The following LZTR1 variants were observed in gnomAD, a reference collection of about 807,000 sequenced individuals.
LZTR1 encodes leucine zipper like post translational regulator 1.
In LZTR1, 260 loss-of-function variants were observed where a neutral mutation model predicts 105.7. The observed-to-expected ratio is 2.46, with a 90% CI of 2.22 to 2.72. The LOEUF (loss-of-function observed/expected upper bound fraction) is 2.72. Among genes scored for constraint, LZTR1 ranks in the 30% most tolerant of loss-of-function variants. The pLI, the probability that LZTR1 is intolerant of heterozygous loss-of-function variation, is 0.00. For missense variants in LZTR1, 1,214 were observed against 1,166.9 expected (o/e 1.04, Z -0.59); for synonymous variants, 490 against 476.4 (o/e 1.03, Z -0.37).
At position 20,987,552 on chromosome 22, in the gene LZTR1, C is replaced by A. The variant is rs773126123; in HGVS notation, c.369C>A (p.Ala123=). ...CGGCCCCCCGTTACCACCACTCGGC[C>A]GTCGTCTATGGGAGCAGCATGTTTG... is the stretch of plus-strand genomic sequence containing the variant. ...TPPAPRYHHS[A]VVYGSSMFVF... The change falls in exon 4 of 21, where the codon GCC becomes GCA. Residue 123 remains alanine (A), a synonymous_variant. Coordinates refer to ENST00000646124, the MANE Select transcript of LZTR1 (RefSeq NM_006767.4). 1 of 1,614,090 alleles carries A rather than the reference C, an allele frequency of 6.2e-7. No individual in the cohort carries two copies. Among genetic ancestry groups the A allele is most frequent in the Non-Finnish European group, 8.5e-7 (1 of 1,179,992 alleles).
rs1349481511 is a variant in LZTR1, at chr22:20,997,648, G to A, written c.*300G>A. ...AGTGATGGGCTCACCACCCAGAAGT[G>A]GGGAGAGACTTTGGGCCTCCCACCC... is the stretch of plus-strand genomic sequence containing the variant. On this transcript the variant is annotated 3_prime_UTR_variant, in exon 21 of 21. Coordinates refer to ENST00000646124, the MANE Select transcript of LZTR1 (RefSeq NM_006767.4). 3 of 274,244 alleles carry A rather than the reference G, an allele frequency of 1.1e-5. No homozygotes were observed. In the Admixed American group the frequency reaches 1.4e-4, roughly 13 times the overall value. The allele number at this position is 274,244 out of a possible 1,614,324, so 17.0% of individuals were successfully genotyped here.
At chr22:20,997,154 G>A (rs972233845) in intron 20 of LZTR1, 78 bp from the exon 21 acceptor site, 9 of 1,156,160 alleles carry the variant, frequency 7.8e-6, no homozygotes, top group South Asian at 1.2e-5. Context: ...AGCAGGGTAG[G>A]CCCCACAGGG....
At position 20,988,801 on chromosome 22, in the gene LZTR1, T is replaced by C. The variant is rs745514794; in HGVS notation, c.522T>C (p.Ala174=). 6.2e-7 allele frequency: 1 copy of C among 1,614,024 alleles called. No homozygotes were observed. The highest frequency in any genetic ancestry group is 1.7e-5 in the Admixed American group (1 of 60,026). ...CCTCACACTCCAGGTTGCCAGTCGCTAGGTCAGCCCATGGGGCCACGGTGT... is the reference window on the plus strand; with the variant it reads ...CCTCACACTCCAGGTTGCCAGTCGCCAGGTCAGCCCATGGGGCCACGGTGT... ...EWKIEGRLPV[A]RSAHGATVYS... The change falls in exon 6 of 21, where the codon GCT becomes GCC. Residue 174 remains alanine (A), a synonymous_variant. Transcript: ENST00000646124.
At position 20,995,009 on chromosome 22, in the gene LZTR1, A is replaced by T; in HGVS notation, c.1925A>T (p.Asp642Val). The T allele has an allele frequency of 1.2e-6, 2 of 1,611,710 alleles. No individual in the cohort carries two copies. The highest frequency in any genetic ancestry group is 1.7e-6 in the Non-Finnish European group (2 of 1,179,496). Residue 642 changes from aspartate to valine, a missense_variant, in exon 16 of 21, where the codon GAC becomes GTC. Physicochemically the swap from Asp to Val is radical, Grantham distance 152. Transcript: ENST00000646124. ...CAGCCGCCCCCTCGCACTCCCTTGG[A>T]CCAGCCAGTGGACATTGGTAGGGAG... Reference protein sequence around the residue: ...KQQPPPRTPLDQPVDIGTSLI... With the variant: ...KQQPPPRTPLVQPVDIGTSLI...
Position 20,983,033 on chromosome 22 carries a change from C to CAA in LZTR1, c.208_209dup (p.His71SerfsTer31). On this transcript the variant is annotated frameshift_variant, in exon 2 of 21. Transcript: ENST00000646124. LOFTEE classifies it high-confidence loss of function. ...TCCACTCCTTTCTTTCCAGGCGCAG[C>CAA]AAGCACACAGTGGTGGCCTATAAAG... 1 of 1,614,064 alleles carries CAA rather than the reference C, an allele frequency of 6.2e-7. No individual in the cohort carries two copies. Among genetic ancestry groups the CAA allele is most frequent in the Non-Finnish European group, 8.5e-7 (1 of 1,179,918 alleles).
At chr22:20,983,340 T>C (rs1924268711) in intron 2 of LZTR1, among the ~76,000 whole-genome samples, 1 of 152,220 alleles carries the variant, frequency 6.6e-6, no homozygotes, top group Admixed American at 6.5e-5. Flanking sequence ...AATGTCCCTC[T>C]TCTGAGTAGA....
Position 20,992,887 on chromosome 22 carries a change from G to T in LZTR1, c.1243G>T (p.Glu415Ter), listed in dbSNP as rs1436064204. ...GTVDNNIRSG[E>*]MYRFQFSCYP... ...GGTGGACAACAACATCCGCAGCGGG[G>T]AGATGTACAGGTTCCAGGTGTGGGG... The change falls in exon 11 of 21, where the codon GAG becomes TAG. Residue 415 changes from glutamate (E) to a stop codon, truncating the protein, a stop_gained. Transcript: ENST00000646124. LOFTEE classifies it high-confidence loss of function. 7 of 1,604,198 alleles carry T rather than the reference G, an allele frequency of 4.4e-6. No homozygotes were observed. The highest frequency in any genetic ancestry group is 3.4e-5 in the Admixed American group (2 of 59,096).
intron 3 of LZTR1, 199 bp from the exon 4 acceptor site, chr22:20,987,305 A>G (rs551617773): frequency 1.8e-6 from 1 of 543,264 alleles, no homozygotes; most frequent in East Asian, 3.0e-5. Context: ...GAGGCAGGAC[A>G]ATCGCTTGAA....
intron 11 of LZTR1, 30 bp downstream of exon 11, chr22:20,992,934 C>A: frequency 1.4e-6 from 2 of 1,449,040 alleles, no homozygotes; most frequent in Non-Finnish European, 1.9e-6. Context: ...GTAGAGCCGG[C>A]TGGGTGGACG....
rs1255885312 is a variant in LZTR1, at chr22:20,999,014, A to G, written c.*1666A>G. 6.6e-6 allele frequency: 1 copy of G among 152,218 alleles called. No homozygotes were observed. The highest frequency in any genetic ancestry group is 1.5e-5 in the Non-Finnish European group (1 of 68,040). 9.4% of individuals were successfully genotyped at this position (152,218 alleles called of 1,614,324 possible). A position where few individuals can be genotyped will look rare whatever the true frequency, so the allele number is the denominator to read the frequency against. On this transcript the variant is annotated 3_prime_UTR_variant, in exon 21 of 21. Coordinates refer to ENST00000646124, the MANE Select transcript of LZTR1 (RefSeq NM_006767.4). Reference sequence around the variant, plus strand: ...ATATGAATAAATGAAATTACATGCCAAGGGCCCTAAAAAGCAAATTTTACG... The same window carrying G: ...ATATGAATAAATGAAATTACATGCCGAGGGCCCTAAAAAGCAAATTTTACG...
Position 20,997,371 on chromosome 22 carries a change from G to T in LZTR1, c.*23G>T, listed in dbSNP as rs764724453. 1 of 1,552,912 alleles carries T rather than the reference G, an allele frequency of 6.4e-7. No individual in the cohort carries two copies. The highest frequency in any genetic ancestry group is 1.7e-5 in the Admixed American group (1 of 59,948). ...TGAGGCCCTGTGGCGCCTGCCCATT[G>T]TGAAGAATCGCCGTGCCTGCCTGCC... On this transcript the variant is annotated 3_prime_UTR_variant, in exon 21 of 21. Coordinates refer to ENST00000646124, the MANE Select transcript of LZTR1 (RefSeq NM_006767.4).
In LZTR1 at chr22:20,990,412, A is replaced by T. The variant is rs200001328; in HGVS notation, c.678A>T (p.Pro226=). The T allele has an allele frequency of 1.4e-4, 234 of 1,614,100 alleles. No individual in the cohort carries two copies. In the Admixed American group the frequency reaches 2.3e-3, roughly 16 times the overall value. ...TGGCCCAGAGTGGCGAGATCCCCCCATCTTGCTGCAACTTCCCCGTGGCTG... is the reference window on the plus strand; with the variant it reads ...TGGCCCAGAGTGGCGAGATCCCCCCTTCTTGCTGCAACTTCCCCGTGGCTG... ...EEVAQSGEIP[P]SCCNFPVAVC... is the part of the protein sequence containing the mutation. The change falls in exon 8 of 21, where the codon CCA becomes CCT. Residue 226 remains proline (P), a synonymous_variant. Transcript: ENST00000646124.
chr22:20,992,819 C>T lies in LZTR1; in HGVS notation c.1175C>T (p.Ala392Val), dbSNP rs767354230. 9.3e-6 allele frequency: 15 copies of T among 1,604,808 alleles called. No homozygotes were observed. The highest frequency in any genetic ancestry group is 1.7e-5 in the Admixed American group (1 of 59,020). The change falls in exon 11 of 21, where the codon GCG becomes GTG. Residue 392 changes from alanine to valine, a missense_variant. Ala to Val is a moderately conservative substitution (Grantham distance 64). Coordinates refer to ENST00000646124, the MANE Select transcript of LZTR1 (RefSeq NM_006767.4). ...CTGCCCAGTGGGAGGCTCTTCCACG[C>T]GGCTGCTGTCATCTCGGACGCCATG... ...SELPSGRLFH[A>V]AAVISDAMYI...
In LZTR1 at chr22:20,996,107, C is replaced by T. The variant is rs1371629079; in HGVS notation, c.2214C>T (p.Asp738=). 1 of 1,612,182 alleles carries T rather than the reference C, an allele frequency of 6.2e-7. No homozygotes were observed. Among genetic ancestry groups the T allele is most frequent in the Non-Finnish European group, 8.5e-7 (1 of 1,179,856 alleles). ...YYGEVNMPPE[D]SLYLFAAPYY... ...GCGAGGTCAACATGCCGCCCGAGGA[C>T]TCGCTGCATCCTCACTCCCCAGTGA... The change falls in exon 18 of 21, where the codon GAC becomes GAT. Residue 738 remains aspartate, a synonymous_variant. Coordinates refer to ENST00000646124, the MANE Select transcript of LZTR1 (RefSeq NM_006767.4).
chr22:20,988,242 T>C, intron 5 of LZTR1, 124 bp downstream of exon 5: 1 of 650,582 alleles, frequency 1.5e-6, no homozygotes. Flanking sequence ...GAGCTTGGGA[T>C]TGGTGGAATA....
chr22:20,987,355 C>T (rs1490724478), intron 3 of LZTR1, 149 bp from the exon 4 acceptor site: 32 of 592,740 alleles, frequency 5.4e-5, no homozygotes, highest in Non-Finnish European at 8.8e-5. Context: ...TGCCACTGCA[C>T]TCCAGCCGGG....
chr22:20,988,997 C>G (rs1924502694), intron 6 of LZTR1, 125 bp downstream of exon 6: 6 of 807,558 alleles, frequency 7.4e-6, no homozygotes, highest in Non-Finnish European at 1.2e-5. Context: ...GAGTGCCACT[C>G]TGTCTGGGGG....
In LZTR1 at chr22:20,996,010, T is replaced by C. The variant is rs1486664196; in HGVS notation, c.2117T>C (p.Val706Ala). 1 of 1,613,684 alleles carries C rather than the reference T, an allele frequency of 6.2e-7. No individual in the cohort carries two copies. Among genetic ancestry groups the C allele is most frequent in the South Asian group, 1.1e-5 (1 of 91,088 alleles). Residue 706 changes from valine (V) to alanine (A), a missense_variant, in exon 18 of 21, where the codon GTG becomes GCG. Val to Ala is a moderately conservative substitution (Grantham distance 64, BLOSUM62 0). Coordinates refer to ENST00000646124, the MANE Select transcript of LZTR1 (RefSeq NM_006767.4). Reference sequence around the variant, plus strand: ...TCCTTCATGCCCGAAGATGGGCAGGTGAACATCTCCATCGGGGAGATGGTG... The same window carrying C: ...TCCTTCATGCCCGAAGATGGGCAGGCGAACATCTCCATCGGGGAGATGGTG... Reference protein sequence around the residue: ...FRSFMPEDGQVNISIGEMVPS... With the variant: ...FRSFMPEDGQANISIGEMVPS...
At chr22:20,990,667 G>C in intron 8 of LZTR1, 142 bp downstream of exon 8, 1 of 875,954 alleles carries the variant, frequency 1.1e-6, no homozygotes, top group Non-Finnish European at 1.7e-6. Context: ...ACAGCCCGGA[G>C]CAGGGATGTG....
Sources: gnomAD v4.1 joint callset for allele counts (sites outside exome capture counted in the v4.1 genomes callset) on GRCh38, gnomAD v4.1.1 for gene constraint, MANE v1.5 for transcripts, NCBI Gene and HGNC (gene_info 2026-07-23, HGNC 2026-07-21) for gene names.